KHDRBS2: variants seen among roughly 807,000 people sequenced by gnomAD.
The protein encoded by KHDRBS2 is KH RNA binding domain containing, signal transduction associated 2.
KHDRBS2 carries 26 observed loss-of-function variants against 44.3 expected under a neutral mutation model. The observed-to-expected ratio is 0.59, with a 90% CI of 0.43 to 0.81. The LOEUF is 0.81. Ranked by LOEUF, KHDRBS2 falls within the 40% of genes least tolerant of loss-of-function variation. The pLI is 0.00. For missense variants in KHDRBS2, 476 were observed against 433.1 expected, an observed-to-expected ratio of 1.10 and a Z score of -0.88; for synonymous variants, 194 against 151.1, an observed-to-expected ratio of 1.28 and a Z score of -2.08.
chr6:61,760,321 G>A (rs771853142), intron 6 of KHDRBS2, among the ~76,000 whole-genome samples: 3 of 152,130 alleles, frequency 2.0e-5, no homozygotes, highest in South Asian at 2.1e-4. Context: ...GCTTTAGAGA[G>A]GATGGTTTCT....
intron 1 of KHDRBS2, among the ~76,000 whole-genome samples, chr6:62,226,197 G>T (rs1449505029): frequency 6.6e-6 from 1 of 152,060 alleles, no homozygotes; most frequent in East Asian, 1.9e-4. Flanking sequence ...TCGACAGCAT[G>T]TATAGTTTCT....
the KHDRBS2 span, among the ~76,000 whole-genome samples, chr6:61,608,923 G>A: frequency 6.6e-6 from 1 of 152,274 alleles, no homozygotes; most frequent in Admixed American, 6.5e-5. Context: ...CTTTATAGTA[G>A]AATGATTTAT....
intron 2 of KHDRBS2, among the ~76,000 whole-genome samples, chr6:62,100,409 T>C (rs1801594280): frequency 6.6e-6 from 1 of 152,168 alleles, no homozygotes; most frequent in African/African-American, 2.4e-5. Flanking sequence ...AAAGACATAG[T>C]AGGTTGGAGG....
chr6:62,099,868 T>C (rs1801466344), intron 2 of KHDRBS2, among the ~76,000 whole-genome samples: 1 of 152,310 alleles, frequency 6.6e-6, no homozygotes, highest in East Asian at 1.9e-4. Flanking sequence ...GTTGTTGTAA[T>C]GCCTACTAAC....
At chr6:62,240,672 G>GTATATATATATATATATA (rs4036655) in intron 1 of KHDRBS2, among the ~76,000 whole-genome samples, 2 of 64,152 alleles carry the variant, frequency 3.1e-5, no homozygotes, top group African/African-American at 5.3e-5. Flanking sequence ...ATGTGTGTGT[G>GTATATATATATATATATA]TATATATATA....
intron 2 of KHDRBS2, among the ~76,000 whole-genome samples, chr6:62,054,956 G>C (rs1308608446): frequency 6.6e-6 from 1 of 152,010 alleles, no homozygotes; most frequent in Non-Finnish European, 1.5e-5. Context: ...TCCATAGTAA[G>C]AGAAATAAAA....
intron 4 of KHDRBS2, among the ~76,000 whole-genome samples, chr6:61,908,474 A>T (rs1026375204): frequency 3.9e-5 from 6 of 151,940 alleles, no homozygotes; most frequent in Admixed American, 3.9e-4. Context: ...CTCTACTAAA[A>T]ATACAAAAAA....
At chr6:61,578,294 T>C in the KHDRBS2 span, among the ~76,000 whole-genome samples, 1 of 152,192 alleles carries the variant, frequency 6.6e-6, no homozygotes, top group Non-Finnish European at 1.5e-5. Context: ...TAGGTGCTTA[T>C]TTTCACTTAA....
chr6:61,663,869 T>C, the KHDRBS2 span, among the ~76,000 whole-genome samples: 2 of 151,650 alleles, frequency 1.3e-5, no homozygotes, highest in Admixed American at 1.3e-4. Flanking sequence ...ATTCTTATAG[T>C]ATCTCACATT....
chr6:62,066,973 T>C (rs1323295952), intron 2 of KHDRBS2, among the ~76,000 whole-genome samples: 2 of 151,610 alleles, frequency 1.3e-5, no homozygotes, highest in Non-Finnish European at 3.0e-5. Context: ...TAAGGTTAAA[T>C]ATTAATTCAG....
At chr6:61,559,259 T>C in the KHDRBS2 span, among the ~76,000 whole-genome samples, 1 of 152,128 alleles carries the variant, frequency 6.6e-6, no homozygotes, top group Non-Finnish European at 1.5e-5. Context: ...GGTTTCCATG[T>C]CATGGAATAT....
chr6:61,859,235 CAG>C (rs1796570298), intron 6 of KHDRBS2, among the ~76,000 whole-genome samples: 1 of 151,830 alleles, frequency 6.6e-6, no homozygotes, highest in Admixed American at 6.6e-5. Context: ...AGTTTTTCCT[CAG>C]AGTCTCTACT....
chr6:61,625,809 A>G, the KHDRBS2 span, among the ~76,000 whole-genome samples: 1 of 152,212 alleles, frequency 6.6e-6, no homozygotes, highest in African/African-American at 2.4e-5. Flanking sequence ...CAGGATTCAA[A>G]CGGGCACATC....
chr6:61,586,001 G>T, the KHDRBS2 span, among the ~76,000 whole-genome samples: 1 of 152,060 alleles, frequency 6.6e-6, no homozygotes, highest in African/African-American at 2.4e-5. Context: ...GACTATGAAG[G>T]GGAAGTTTGT....
intron 6 of KHDRBS2, chr6:61,816,605 A>T (rs1396500410): frequency 2.2e-6 from 1 of 450,974 alleles, no homozygotes; most frequent in Admixed American, 2.4e-5. Context: ...TTTTGTTTTA[A>T]CTCACCCAGT....
chr6:62,038,007 T>C (rs190360037), intron 3 of KHDRBS2, among the ~76,000 whole-genome samples: 35 of 152,166 alleles, frequency 2.3e-4, no homozygotes, highest in African/African-American at 8.4e-4. Flanking sequence ...TAAATGTGTT[T>C]CCTTTATTGG....
At chr6:62,045,958 A>AG (rs1429006992) in intron 3 of KHDRBS2, among the ~76,000 whole-genome samples, 1 of 150,648 alleles carries the variant, frequency 6.6e-6, no homozygotes, top group African/African-American at 2.4e-5. Flanking sequence ...ACAAAAAAAA[A>AG]AAAGAAAGAA....
chr6:61,602,449 T>A, the KHDRBS2 span, among the ~76,000 whole-genome samples: 2 of 152,146 alleles, frequency 1.3e-5, no homozygotes, highest in Non-Finnish European at 2.9e-5. Context: ...GTCCCATCTG[T>A]GCAGGATCCC....
intron 6 of KHDRBS2, among the ~76,000 whole-genome samples, chr6:61,753,880 T>A (rs1236579372): frequency 6.6e-6 from 1 of 152,092 alleles, no homozygotes; most frequent in Non-Finnish European, 1.5e-5. Flanking sequence ...AGGCTTTAAC[T>A]ACCATCAGAA....
Sources: allele counts gnomAD v4.1 joint callset (sites outside exome capture counted in the v4.1 genomes callset), GRCh38; gene constraint gnomAD v4.1.1; transcripts MANE v1.5; gene names NCBI Gene and HGNC (gene_info 2026-07-23, HGNC 2026-07-21).